SHISA6: variants seen among roughly 807,000 people sequenced by gnomAD.
SHISA6 encodes protein shisa-6.
SHISA6 carries 22 observed loss-of-function variants against 47.9 expected under a neutral mutation model. That is an observed-to-expected ratio of 0.46 (90% confidence interval 0.33 to 0.66). The LOEUF (loss-of-function observed/expected upper bound fraction) is 0.66, where lower values mean the gene tolerates loss of function less well. SHISA6 is among the 30% of genes least tolerant of loss of function. The pLI, the probability that SHISA6 is intolerant of heterozygous loss-of-function variation, is 0.02. For synonymous variants in SHISA6, 388 were observed against 337.8 expected (o/e 1.15, Z -1.63); for missense variants, 680 against 764.6 (o/e 0.89, Z 1.30).
intron 2 of SHISA6, among the ~76,000 whole-genome samples, chr17:11,325,467 A>T (rs200733646): frequency 6.6e-6 from 1 of 152,336 alleles, no homozygotes; most frequent in African/African-American, 2.4e-5. Context: ...CCAGCCCCTA[A>T]TTCCGGGGCA....
intron 3 of SHISA6, among the ~76,000 whole-genome samples, chr17:11,399,495 C>T (rs1312607024): frequency 6.6e-6 from 1 of 152,202 alleles, no homozygotes; most frequent in Admixed American, 6.5e-5. Context: ...AATCTCAGCT[C>T]ACTGCAACCT....
chr17:11,395,837 T>A (rs1913553906), intron 3 of SHISA6, among the ~76,000 whole-genome samples: 1 of 152,188 alleles, frequency 6.6e-6, no homozygotes, highest in African/African-American at 2.4e-5. Flanking sequence ...TCTTTACAGT[T>A]ATGCTTCTCT....
intron 2 of SHISA6, among the ~76,000 whole-genome samples, chr17:11,372,564 C>CT (rs959182330): frequency 2.0e-4 from 29 of 147,884 alleles, no homozygotes; most frequent in South Asian, 1.3e-3. Flanking sequence ...TATTGCTTTT[C>CT]TTTTTTTTTC....
intron 3 of SHISA6, among the ~76,000 whole-genome samples, chr17:11,447,694 T>C (rs1915272080): frequency 6.6e-6 from 1 of 152,228 alleles, no homozygotes; most frequent in Admixed American, 6.5e-5. Context: ...CTCGGATGGA[T>C]TGACAGCAGA....
At chr17:11,328,141 T>C (rs1310505800) in intron 2 of SHISA6, among the ~76,000 whole-genome samples, 1 of 152,176 alleles carries the variant, frequency 6.6e-6, no homozygotes, top group East Asian at 1.9e-4. Flanking sequence ...ACAAAAACTA[T>C]GTCAAGGCAA....
intron 3 of SHISA6, among the ~76,000 whole-genome samples, chr17:11,502,226 G>A (rs374947901): frequency 2.7e-5 from 4 of 149,922 alleles, no homozygotes; most frequent in African/African-American, 7.4e-5. Flanking sequence ...TGGCTAACAC[G>A]GTGAAACCCC....
rs538524734 is a variant in SHISA6 at position 11,557,944 on chromosome 17, G to A, written c.1296G>A (p.Glu432=). ...CCCCGGATCGGGGCCTGCCAGATGA[G>A]TTCAGCATGCCCTACGACCGCATCC... The part of the protein sequence containing the change: ...VLSPDRGLPD[E]FSMPYDRILS... Residue 432 remains glutamate (E), a synonymous_variant, in exon 6 of 6, where the codon GAG becomes GAA. Transcript: ENST00000441885. The A allele has an allele frequency of 4.5e-6, 7 of 1,551,576 alleles. No homozygotes were observed. In the Admixed American group the frequency reaches 1.4e-4, roughly 30 times the overall value.
chr17:11,541,334 C>G (rs962376553), intron 3 of SHISA6, among the ~76,000 whole-genome samples: 1 of 152,148 alleles, frequency 6.6e-6, no homozygotes, highest in Non-Finnish European at 1.5e-5. Context: ...GAAACAGCAT[C>G]CTAGAGGCAC....
At position 11,322,605 on chromosome 17, in the gene SHISA6, TTTAG is replaced by T. The variant is rs575119465; in HGVS notation, c.800-56805_800-56802del. Among the ~76,000 whole-genome samples the T allele has an allele frequency of 4.5e-3, 680 of 152,350 alleles. 4 individuals carry two copies. The highest frequency in any genetic ancestry group is 6.9e-3 in the Non-Finnish European group (467 of 68,040). On this transcript the variant is annotated intron_variant, in intron 2 of 5. Coordinates refer to ENST00000441885, the MANE Select transcript of SHISA6 (RefSeq NM_207386.4). ...TTGAGATACTGGCATACAATTCCTA[TTTAG>T]TTATACTAGAATCAAAAACCTAACT...
chr17:11,397,763 T>G (rs1242261401), intron 3 of SHISA6, among the ~76,000 whole-genome samples: 1 of 152,110 alleles, frequency 6.6e-6, no homozygotes, highest in Non-Finnish European at 1.5e-5. Context: ...CTTGAGAATT[T>G]TTTTCTTTCT....
chr17:11,380,148 C>T (rs911901591), intron 3 of SHISA6: 2 of 152,240 alleles, frequency 1.3e-5, no homozygotes, highest in Admixed American at 6.5e-5. Flanking sequence ...CAAGGTCCTA[C>T]GAGTGTTGTG....
chr17:11,537,447 T>C (rs1297429981), intron 3 of SHISA6, among the ~76,000 whole-genome samples: 1 of 151,854 alleles, frequency 6.6e-6, no homozygotes, highest in African/African-American at 2.4e-5. Flanking sequence ...AAGAGCTGTG[T>C]TGGAATGAAT....
rs553073883 is a variant in SHISA6 at position 11,461,693 on chromosome 17, T to C, written c.895+82184T>C. Among the ~76,000 whole-genome samples the C allele has an allele frequency of 5.9e-5, 9 of 152,194 alleles. No homozygotes were observed. In the East Asian group the frequency reaches 7.7e-4, roughly 13 times the overall value. Reference sequence around the variant, plus strand: ...GATAATTTCAGCAGGCTCTGGGACATAGGGGCTGTCTCTAGTTGTCTGGTT... The same window carrying C: ...GATAATTTCAGCAGGCTCTGGGACACAGGGGCTGTCTCTAGTTGTCTGGTT... On this transcript the variant is annotated intron_variant, in intron 3 of 5. Coordinates refer to ENST00000441885, the MANE Select transcript of SHISA6 (RefSeq NM_207386.4).
chr17:11,498,122 A>G (rs149752650), intron 3 of SHISA6, among the ~76,000 whole-genome samples: 2 of 152,314 alleles, frequency 1.3e-5, no homozygotes, highest in African/African-American at 2.4e-5. Context: ...TCCTACCTCA[A>G]TAGAATCCAC....
At chr17:11,257,082 C>T (rs1448895952) in intron 1 of SHISA6, among the ~76,000 whole-genome samples, 1 of 152,158 alleles carries the variant, frequency 6.6e-6, no homozygotes, top group African/African-American at 2.4e-5. Flanking sequence ...ATTGTTAACA[C>T]AACAAATGAG....
intron 3 of SHISA6, among the ~76,000 whole-genome samples, chr17:11,477,399 T>C (rs967020413): frequency 7.9e-5 from 12 of 152,226 alleles, no homozygotes; most frequent in Non-Finnish European, 7.3e-5. Flanking sequence ...TTTTCTCTAA[T>C]TTCTTAACCT....
chr17:11,420,648 G>A (rs989694179), intron 3 of SHISA6, among the ~76,000 whole-genome samples: 1 of 152,192 alleles, frequency 6.6e-6, no homozygotes, highest in Non-Finnish European at 1.5e-5. Context: ...CCACAGGAAG[G>A]GTGAGGTTGG....
At chr17:11,303,403 TTG>T (rs199906195) in intron 2 of SHISA6, among the ~76,000 whole-genome samples, 1,704 of 151,800 alleles carry the variant, frequency 0.011, 39 homozygotes, top group African/African-American at 0.04. Flanking sequence ...GTGTGTGTGA[TTG>T]TGTCTGGTTG....
intron 3 of SHISA6, among the ~76,000 whole-genome samples, chr17:11,411,990 C>T (rs1914135342): frequency 6.6e-6 from 1 of 152,002 alleles, no homozygotes; most frequent in African/African-American, 2.4e-5. Context: ...GTTTCCTTTT[C>T]CCCCAAGGAT....
Sources: allele counts gnomAD v4.1 joint callset (sites outside exome capture counted in the v4.1 genomes callset), GRCh38; gene constraint gnomAD v4.1.1; transcripts MANE v1.5; gene names NCBI Gene and HGNC (gene_info 2026-07-23, HGNC 2026-07-21).